The following CDH13 variants were observed in gnomAD, a reference collection of about 807,000 sequenced individuals.
The protein encoded by CDH13 is cadherin 13, also known as cadherin-13.
Under a neutral mutation model 63.8 loss-of-function variants are expected in CDH13, and 24 were observed. The observed-to-expected ratio is 0.38, with a 90% CI of 0.27 to 0.53. CDH13 has a LOEUF of 0.53. Ranked by LOEUF, CDH13 falls within the 20% of genes least tolerant of loss-of-function variation. CDH13 has a pLI of 0.85. For missense variants in CDH13, 1,049 were observed against 903.1 expected (o/e 1.16, Z -2.07); for synonymous variants, 503 against 355.3 (o/e 1.42, Z -4.67).
intron 5 of CDH13, among the ~76,000 whole-genome samples, chr16:83,248,655 C>T (rs1410227475): frequency 3.3e-5 from 5 of 152,060 alleles, no homozygotes; most frequent in Admixed American, 6.6e-5. Context: ...AAGTTCTCTC[C>T]TTCATGTACT....
intron 6 of CDH13, among the ~76,000 whole-genome samples, chr16:83,480,925 C>T (rs1305244679): frequency 1.3e-5 from 2 of 152,214 alleles, no homozygotes; most frequent in African/African-American, 2.4e-5. Flanking sequence ...TAAGGCTTGT[C>T]TTCTGACACA....
intron 2 of CDH13, among the ~76,000 whole-genome samples, chr16:82,989,807 C>A (rs745934674): frequency 2.0e-5 from 3 of 152,170 alleles, no homozygotes; most frequent in Non-Finnish European, 4.4e-5. Context: ...ATGTGATTTA[C>A]GTTTAGATGT....
chr16:83,124,648 A>C (rs1289816436), intron 3 of CDH13, among the ~76,000 whole-genome samples: 1 of 150,698 alleles, frequency 6.6e-6, no homozygotes. Flanking sequence ...TGCAGGTCTT[A>C]TGTTTAGGTC....
intron 5 of CDH13, among the ~76,000 whole-genome samples, chr16:83,272,567 G>T (rs1168041942): frequency 6.6e-6 from 1 of 152,102 alleles, no homozygotes; most frequent in African/African-American, 2.4e-5. Context: ...GTTGCAGTCC[G>T]GGGCTCATCA....
intron 2 of CDH13, among the ~76,000 whole-genome samples, chr16:83,025,484 C>T (rs1915714547): frequency 6.6e-6 from 1 of 152,276 alleles, no homozygotes; most frequent in Middle Eastern, 3.4e-3. Flanking sequence ...GAATGCCCAT[C>T]AGATCTCGCC....
At chr16:83,042,606 C>T (rs1917422867) in intron 3 of CDH13, among the ~76,000 whole-genome samples, 1 of 152,164 alleles carries the variant, frequency 6.6e-6, no homozygotes, top group African/African-American at 2.4e-5. Flanking sequence ...AAAACCGCCA[C>T]CATGAACACC....
intron 6 of CDH13, among the ~76,000 whole-genome samples, chr16:83,352,736 A>T (rs1168345281): frequency 6.6e-6 from 1 of 152,152 alleles, no homozygotes; most frequent in Non-Finnish European, 1.5e-5. Context: ...TAAAAATACA[A>T]AAAATTAGCC....
At chr16:82,959,426 G>C (rs1321926730) in intron 2 of CDH13, among the ~76,000 whole-genome samples, 1 of 152,142 alleles carries the variant, frequency 6.6e-6, no homozygotes, top group African/African-American at 2.4e-5. Flanking sequence ...GCAACCCATG[G>C]ATGTCTGAAT....
At chr16:83,789,648 C>G (rs1916126850) in intron 13 of CDH13, among the ~76,000 whole-genome samples, 1 of 152,144 alleles carries the variant, frequency 6.6e-6, no homozygotes, top group Non-Finnish European at 1.5e-5. Context: ...CACGCCAGGC[C>G]TGAAATTAGC....
chr16:83,078,601 G>A (rs183873169), intron 3 of CDH13, among the ~76,000 whole-genome samples: 80 of 152,244 alleles, frequency 5.3e-4, no homozygotes, highest in Non-Finnish European at 7.4e-4. Context: ...GACCAGTACC[G>A]GTCCATGGCC....
chr16:82,846,839 G>A (rs557090986), intron 1 of CDH13, among the ~76,000 whole-genome samples: 2 of 152,086 alleles, frequency 1.3e-5, no homozygotes, highest in East Asian at 3.9e-4. Flanking sequence ...TGTCATAATG[G>A]CAGATCAAAA....
intron 6 of CDH13, among the ~76,000 whole-genome samples, chr16:83,363,376 A>G (rs1206264166): frequency 2.0e-5 from 3 of 152,246 alleles, no homozygotes; most frequent in Non-Finnish European, 4.4e-5. Flanking sequence ...GCATGTGTGC[A>G]AGTATGTGTG....
In CDH13 at chr16:83,797,860, A is replaced by G. The variant is rs1008459207; in HGVS notation, c.*2830A>G. On this transcript the variant is annotated 3_prime_UTR_variant, in exon 14 of 14. Transcript: ENST00000567109. ...AATCACATTTTCTCCCTCATTTTAC[A>G]TACGATAAATTAATTATTTTGGATA... 2.6e-5 allele frequency: 4 copies of G among 152,234 alleles called. No homozygotes were observed. The highest frequency in any genetic ancestry group is 1.3e-4 in the Admixed American group (2 of 15,284). 9.4% of individuals were successfully genotyped at this position (152,234 alleles called of 1,614,324 possible). A position where few individuals can be genotyped will look rare whatever the true frequency, so the allele number is the denominator to read the frequency against.
intron 1 of CDH13, among the ~76,000 whole-genome samples, chr16:82,827,924 A>G (rs1324908921): frequency 6.6e-6 from 1 of 152,134 alleles, no homozygotes; most frequent in East Asian, 1.9e-4. Context: ...CTACCTTGCA[A>G]GGCAGAGTAG....
At chr16:82,689,983 A>T (rs1184140322) in intron 1 of CDH13, among the ~76,000 whole-genome samples, 2 of 44,876 alleles carry the variant, frequency 4.5e-5, no homozygotes, top group African/African-American at 1.1e-4. Context: ...CATCTCTACT[A>T]AAAAAAAAAA....
chr16:83,345,397 T>A (rs2090818703), intron 6 of CDH13, among the ~76,000 whole-genome samples: 1 of 152,194 alleles, frequency 6.6e-6, no homozygotes, highest in South Asian at 2.1e-4. Flanking sequence ...CTTTTCACAG[T>A]GGCCTTTTAA....
chr16:83,654,258 A>G (rs1256328927), intron 8 of CDH13, among the ~76,000 whole-genome samples: 1 of 151,544 alleles, frequency 6.6e-6, no homozygotes, highest in East Asian at 2.0e-4. Flanking sequence ...AAAAATTGCA[A>G]TTACTTTTGC....
intron 6 of CDH13, among the ~76,000 whole-genome samples, chr16:83,407,356 C>G (rs2092063400): frequency 6.6e-6 from 1 of 152,190 alleles, no homozygotes; most frequent in Admixed American, 6.5e-5. Flanking sequence ...TTATTAGGCT[C>G]CTGCTATATG....
intron 8 of CDH13, among the ~76,000 whole-genome samples, chr16:83,651,153 C>T (rs893603652): frequency 6.6e-6 from 1 of 151,944 alleles, no homozygotes; most frequent in Non-Finnish European, 1.5e-5. Context: ...TTATAAGAGA[C>T]CCCTAGCTCT....
Sources: gnomAD v4.1 joint callset for allele counts (sites outside exome capture counted in the v4.1 genomes callset) on GRCh38, gnomAD v4.1.1 for gene constraint, MANE v1.5 for transcripts, NCBI Gene and HGNC (gene_info 2026-07-23, HGNC 2026-07-21) for gene names.